The following LPCAT1 variants were observed in gnomAD, a reference collection of about 807,000 sequenced individuals.
The protein encoded by LPCAT1 is 1-acylglycerol-3-phosphate O-acyltransferase.
Under a neutral mutation model 60.9 loss-of-function variants are expected in LPCAT1, and 23 were observed. The ratio of observed to expected loss-of-function variants is 0.38; its 90% CI spans 0.27 to 0.53. The LOEUF is 0.53. Among genes scored for constraint, LPCAT1 ranks in the 20% least tolerant of loss-of-function variants. The probability of loss-of-function intolerance (pLI) is 0.82; values close to 1 mark genes in which losing one functional copy is unlikely to be tolerated. For missense variants in LPCAT1, 622 were observed against 723.6 expected (o/e 0.86, Z 1.61); for synonymous variants, 340 against 301.1 (o/e 1.13, Z -1.34).
chr5:1,505,699 C>A (rs901376365), intron 1 of LPCAT1, among the ~76,000 whole-genome samples: 1 of 152,134 alleles, frequency 6.6e-6, no homozygotes, highest in Non-Finnish European at 1.5e-5. Context: ...GAAGACTGGG[C>A]GACCACCTGA....
At chr5:1,519,763 C>T (rs1736615598) in intron 1 of LPCAT1, among the ~76,000 whole-genome samples, 1 of 152,260 alleles carries the variant, frequency 6.6e-6, no homozygotes, top group South Asian at 2.1e-4. Flanking sequence ...CACCATCACA[C>T]CCAGGTCATC....
In LPCAT1 at chr5:1,485,023, C is replaced by T. The variant is rs372446315; in HGVS notation, c.668-1537G>A. On this transcript the variant is annotated intron_variant, in intron 5 of 13. Coordinates refer to ENST00000283415, the MANE Select transcript of LPCAT1 (RefSeq NM_024830.5). ...CAGCCGAGTCCCAGCCCCTGAGACA[C>T]GCAGTGTGGAGGAAATAGTCCTCAT... is the stretch of plus-strand genomic sequence containing the variant. Among the ~76,000 whole-genome samples, 37 of 152,328 alleles carry T rather than the reference C, an allele frequency of 2.4e-4. No homozygotes were observed. In the East Asian group the frequency reaches 3.1e-3, roughly 13 times the overall value.
rs1413991553 is a variant in LPCAT1 at position 1,477,139 on chromosome 5, A to AAAG, written c.899+264_899+265insCTT. ...TCATTTAGGGCACAGGAAACATAGGACCTGGGGTGACCAACGGCTGCAGGC... is the reference window on the plus strand; with the variant it reads ...TCATTTAGGGCACAGGAAACATAGGAAAGCCTGGGGTGACCAACGGCTGCAGGC... On this transcript the variant is annotated intron_variant, in intron 9 of 13. Coordinates refer to ENST00000283415, the MANE Select transcript of LPCAT1 (RefSeq NM_024830.5). This position sits in a 1 kb window ranked among gnomAD's most constrained non-coding sequence, Gnocchi z 6.0. Among the ~76,000 whole-genome samples the AAAG allele has an allele frequency of 6.6e-6, 1 of 152,178 alleles. No individual in the cohort carries two copies. Among genetic ancestry groups the AAAG allele is most frequent in the Admixed American group, 6.5e-5 (1 of 15,286 alleles).
At chr5:1,507,470 G>A (rs1736221771) in intron 1 of LPCAT1, among the ~76,000 whole-genome samples, 1 of 152,260 alleles carries the variant, frequency 6.6e-6, no homozygotes, top group Admixed American at 6.5e-5. Flanking sequence ...CACATGCAGG[G>A]AGAGCTTTGG....
At chr5:1,503,721 T>A (rs562003735) in intron 1 of LPCAT1, among the ~76,000 whole-genome samples, 31 of 152,320 alleles carry the variant, frequency 2.0e-4, no homozygotes, top group Non-Finnish European at 3.7e-4. Context: ...CCAACCCTAC[T>A]GTTTATAGAG....
At position 1,521,266 on chromosome 5, in the gene LPCAT1, G is replaced by A; in HGVS notation, c.135+2444C>T. On this transcript the variant is annotated intron_variant, in intron 1 of 13. Transcript: ENST00000283415. The surrounding 1 kb of genome is among the most constrained non-coding windows in gnomAD (Gnocchi z 4.3). ...AGATGGGCTGGCTGGAGGAGGAGGTGTCCCCGCATGGCGCTAATCCGAAGA... is the reference window on the plus strand; with the variant it reads ...AGATGGGCTGGCTGGAGGAGGAGGTATCCCCGCATGGCGCTAATCCGAAGA... 2.2e-6 allele frequency: 2 copies of A among 905,580 alleles called. No homozygotes were observed. The highest frequency in any genetic ancestry group is 1.3e-6 in the Non-Finnish European group (1 of 757,272). 56.1% of individuals were successfully genotyped at this position (905,580 alleles called of 1,614,324 possible). A position where few individuals can be genotyped will look rare whatever the true frequency, so the allele number is the denominator to read the frequency against.
intron 3 of LPCAT1, among the ~76,000 whole-genome samples, chr5:1,491,316 A>G (rs1735572346): frequency 9.5e-6 from 1 of 105,420 alleles, no homozygotes; most frequent in South Asian, 3.2e-4. Flanking sequence ...GTTTTGGCCA[A>G]AGCGTCCCAT....
At chr5:1,511,009 G>A (rs1212624626) in intron 1 of LPCAT1, among the ~76,000 whole-genome samples, 2 of 152,210 alleles carry the variant, frequency 1.3e-5, no homozygotes, top group Admixed American at 1.3e-4. Context: ...AGCCATGGGG[G>A]AGCACACCTT....
At position 1,521,849 on chromosome 5, in the gene LPCAT1, AGCAGGCCCCTCTGGGCACTCTG is replaced by A. The variant is rs1736687659; in HGVS notation, c.135+1839_135+1860del. Among the ~76,000 whole-genome samples, 1 of 152,180 alleles carries A rather than the reference AGCAGGCCCCTCTGGGCACTCTG, an allele frequency of 6.6e-6. No homozygotes were observed. Among genetic ancestry groups the A allele is most frequent in the South Asian group, 2.1e-4 (1 of 4,824 alleles). On this transcript the variant is annotated intron_variant, in intron 1 of 13. Transcript: ENST00000283415. The surrounding 1 kb of genome is among the most constrained non-coding windows in gnomAD (Gnocchi z 4.3). The stretch of plus-strand genomic sequence containing the variant: ...TGCACCCTGAGGTCTCGGGGAGGAA[AGCAGGCCCCTCTGGGCACTCTG>A]GCAGTGCCCTGACATCTGTACCTAC...
rs763327251 is a variant in LPCAT1, at chr5:1,494,707, G to A, written c.486C>T (p.Ile162=). The change falls in exon 3 of 14, where the codon ATC becomes ATT. Residue 162 remains isoleucine (I), a synonymous_variant. Transcript: ENST00000283415. ...VMKAESRDIP[I]WGTLIQYIRP... ...CAGGGGTGTCTCACTCACTTCCCCA[G>A]ATCGGGATGTCTCTGCTCTCTGCCT... 3 of 1,614,126 alleles carry A rather than the reference G, an allele frequency of 1.9e-6. No individual in the cohort carries two copies. The South Asian group carries it at 3.3e-5, about 18-fold the overall frequency.
Position 1,501,513 on chromosome 5 carries a change from ATGCGACAAG to A in LPCAT1, c.217_225del (p.Leu73_Ala75del). Reference sequence around the variant, plus strand: ...GGTTCCTTCTCCGCAGAGCCCAGGGATGCGACAAGTGCGAGGGGCCAGGCCAGCAGCATC... The same window carrying A: ...GGTTCCTTCTCCGCAGAGCCCAGGGATGCGAGGGGCCAGGCCAGCAGCATC... On this transcript the variant is annotated inframe_deletion, in exon 2 of 14. Coordinates refer to ENST00000283415, the MANE Select transcript of LPCAT1 (RefSeq NM_024830.5). 4 of 1,613,874 alleles carry A rather than the reference ATGCGACAAG, an allele frequency of 2.5e-6. No individual in the cohort carries two copies. Among genetic ancestry groups the A allele is most frequent in the Non-Finnish European group, 3.4e-6 (4 of 1,179,892 alleles).
chr5:1,501,401 C>T (rs1735997652), intron 2 of LPCAT1, 60 bp downstream of exon 2: 2 of 1,545,004 alleles, frequency 1.3e-6, no homozygotes, highest in South Asian at 1.2e-5. Context: ...AGAATGGGTT[C>T]CCACTGTTTG....
intron 1 of LPCAT1, among the ~76,000 whole-genome samples, chr5:1,512,147 C>T (rs893008123): frequency 6.6e-6 from 1 of 152,200 alleles, no homozygotes; most frequent in East Asian, 1.9e-4. Context: ...CACGGCCACC[C>T]GGACAGGGCT....
chr5:1,493,493 G>A (rs6554859), intron 3 of LPCAT1, among the ~76,000 whole-genome samples: 38,833 of 152,256 alleles, frequency 0.26, 5,451 homozygotes, highest in East Asian at 0.43. Context: ...AAACAGAGCC[G>A]GCAGGAGTGG....
chr5:1,498,934 C>A (rs1735907699), intron 2 of LPCAT1, among the ~76,000 whole-genome samples: 1 of 139,794 alleles, frequency 7.2e-6, no homozygotes, highest in African/African-American at 2.5e-5. Context: ...TATGTACACA[C>A]ATACACACCC....
At chr5:1,497,186 ACT>A (rs1231834659) in intron 2 of LPCAT1, among the ~76,000 whole-genome samples, 2 of 152,228 alleles carry the variant, frequency 1.3e-5, no homozygotes, top group East Asian at 1.9e-4. Flanking sequence ...ACAAGAAAAC[ACT>A]CTCAGAAACC....
At position 1,496,321 on chromosome 5, in the gene LPCAT1, A is replaced by C. The variant is rs1443385688; in HGVS notation, c.279-1407T>G. ...GGTTGCAGTGAGCCGAGATTGCGCC[A>C]CTGCACTCCAGCCTGGGCAACAGAG... On this transcript the variant is annotated intron_variant, in intron 2 of 13. Transcript: ENST00000283415. This position sits in a 1 kb window ranked among gnomAD's most constrained non-coding sequence, Gnocchi z 4.7. 3.3e-5 allele frequency among the ~76,000 whole-genome samples: 5 copies of C among 152,176 alleles called. No homozygotes were observed. Among genetic ancestry groups the C allele is most frequent in the East Asian group, 3.9e-4 (2 of 5,176 alleles).
In LPCAT1 at chr5:1,479,591, A is replaced by G. The variant is rs201192902; in HGVS notation, c.816+30T>C. On this transcript the variant is annotated intron_variant, in intron 8 of 13. Coordinates refer to ENST00000283415, the MANE Select transcript of LPCAT1 (RefSeq NM_024830.5). ...CGTGTCTGCATCAACCACTGTGAAGAGCGCTGTGTAACTCTGTATCCATAC... is the reference window on the plus strand; with the variant it reads ...CGTGTCTGCATCAACCACTGTGAAGGGCGCTGTGTAACTCTGTATCCATAC... 3,614 of 1,537,590 alleles carry G rather than the reference A, an allele frequency of 2.4e-3. 8 individuals are homozygous for G. Among genetic ancestry groups the G allele is most frequent in the Non-Finnish European group, 2.9e-3 (3,201 of 1,110,324 alleles).
chr5:1,497,792 G>T (rs1735847739), intron 2 of LPCAT1, among the ~76,000 whole-genome samples: 1 of 152,174 alleles, frequency 6.6e-6, no homozygotes, highest in Non-Finnish European at 1.5e-5. Flanking sequence ...CATGGGGATG[G>T]CATCCCCAAA....
Sources: gnomAD v4.1 joint callset for allele counts (sites outside exome capture counted in the v4.1 genomes callset) on GRCh38, gnomAD v4.1.1 for gene constraint, Gnocchi (gnomAD v3.1) non-coding constraint, MANE v1.5 for transcripts, NCBI Gene and HGNC (gene_info 2026-07-23, HGNC 2026-07-21) for gene names.